Variants in SBK2 observed in about 807,000 individuals in gnomAD.
SBK2 encodes SH3 domain binding kinase family member 2.
Under a neutral mutation model 15.9 loss-of-function variants are expected in SBK2, and 18 were observed. The ratio of observed to expected loss-of-function variants is 1.13; its 90% CI spans 0.78 to 1.68. SBK2 has a LOEUF of 1.68. SBK2 is among the 40% of genes most tolerant of loss of function. The probability of loss-of-function intolerance (pLI) is 0.00; values close to 1 mark genes in which losing one functional copy is unlikely to be tolerated. For synonymous variants in SBK2, 284 were observed against 246.8 expected (o/e 1.15, Z -1.41); for missense variants, 581 against 510.9 (o/e 1.14, Z -1.32).
At chr19:55,531,936 G>A (rs575753342) in intron 2 of SBK2, among the ~76,000 whole-genome samples, 14 of 151,082 alleles carry the variant, frequency 9.3e-5, no homozygotes, top group African/African-American at 1.5e-4. Flanking sequence ...CCGAGATTGC[G>A]CCACTGCACT....
rs1988188120 is a variant in SBK2, at chr19:55,529,567, T to G, written c.*166A>C. On this transcript the variant is annotated 3_prime_UTR_variant, in exon 4 of 4. Coordinates refer to ENST00000413299, the MANE Select transcript of SBK2 (RefSeq NM_001370096.2). ...AGGGACATGCAGAGGTCTGAGGCCCTCATGGACCAAGGGAGGAATGCAGCC... is the reference window on the plus strand; with the variant it reads ...AGGGACATGCAGAGGTCTGAGGCCCGCATGGACCAAGGGAGGAATGCAGCC... Among the ~76,000 whole-genome samples, 1 of 150,320 alleles carries G rather than the reference T, an allele frequency of 6.7e-6. No homozygotes were observed.
At chr19:55,534,757 G>A (rs1410342090) in intron 2 of SBK2, among the ~76,000 whole-genome samples, 1 of 150,518 alleles carries the variant, frequency 6.6e-6, no homozygotes, top group Non-Finnish European at 1.5e-5. Context: ...AGGCACAGTG[G>A]CTCACACCTG....
chr19:55,535,154 G>A (rs1251668581), intron 2 of SBK2, among the ~76,000 whole-genome samples: 1 of 152,206 alleles, frequency 6.6e-6, no homozygotes. Flanking sequence ...GGCAGGGACT[G>A]GCTCTGGTTC....
chr19:55,532,601 C>CTTTTTT (rs10682612), intron 2 of SBK2, among the ~76,000 whole-genome samples: 124 of 128,378 alleles, frequency 9.7e-4, no homozygotes, highest in African/African-American at 3.6e-3. Flanking sequence ...TACACCCGCC[C>CTTTTTT]TTTTTTTTTT....
Position 55,531,263 on chromosome 19 carries a change from C to A in SBK2, c.336G>T (p.Ser112=). The change falls in exon 3 of 4, where the codon TCG becomes TCT. Residue 112 remains serine, a synonymous_variant. Coordinates refer to ENST00000413299, the MANE Select transcript of SBK2 (RefSeq NM_001370096.2). Reference sequence around the variant, plus strand: ...TCACGATGGCTGAGTGCGCGCCCAGCGAGAGCCCCACACAGAACTCGTACA... The same window carrying A: ...TCACGATGGCTGAGTGCGCGCCCAGAGAGAGCCCCACACAGAACTCGTACA... ...GFLYEFCVGL[S]LGAHSAIVTA... 2 of 1,613,608 alleles carry A rather than the reference C, an allele frequency of 1.2e-6. No individual in the cohort carries two copies. The highest frequency in any genetic ancestry group is 2.2e-5 in the South Asian group (2 of 91,070).
chr19:55,529,725 G>A lies in SBK2; in HGVS notation c.*8C>T, dbSNP rs927212050. On this transcript the variant is annotated 3_prime_UTR_variant, in exon 4 of 4. Coordinates refer to ENST00000413299, the MANE Select transcript of SBK2 (RefSeq NM_001370096.2). ...GCGGCTTCCCTTTCTGCATCCCCCG[G>A]GGCCTCCTCACTGCCCAGCCTCCTC... 1 of 1,598,546 alleles carries A rather than the reference G, an allele frequency of 6.3e-7. No homozygotes were observed. The highest frequency in any genetic ancestry group is 1.7e-5 in the Admixed American group (1 of 59,846).
Position 55,530,394 on chromosome 19 carries a change from C to T in SBK2, c.457-71G>A, listed in dbSNP as rs1988223874. The T allele has an allele frequency of 3.7e-6, 5 of 1,339,682 alleles. No individual in the cohort carries two copies. The South Asian group carries it at 6.7e-5, about 18-fold the overall frequency. 83.0% of individuals were successfully genotyped at this position (1,339,682 alleles called of 1,614,324 possible). A position where few individuals can be genotyped will look rare whatever the true frequency, so the allele number is the denominator to read the frequency against. On this transcript the variant is annotated intron_variant, in intron 3 of 3. Coordinates refer to ENST00000413299, the MANE Select transcript of SBK2 (RefSeq NM_001370096.2). The stretch of plus-strand genomic sequence containing the variant: ...GCAACCGAGACCCAGGAAGCAGGCC[C>T]AGGACGCCAAGGAGGCCGGTAAGGA...
In SBK2 at chr19:55,536,041, C is replaced by A; in HGVS notation, c.253+1G>T. 2.7e-6 allele frequency: 4 copies of A among 1,469,054 alleles called. No individual in the cohort carries two copies. Among genetic ancestry groups the A allele is most frequent in the Non-Finnish European group, 3.6e-6 (4 of 1,103,190 alleles). The allele number at this position is 1,469,054 out of a possible 1,614,324, so 91.0% of individuals were successfully genotyped here. A position where few individuals can be genotyped will look rare whatever the true frequency, so the allele number is the denominator to read the frequency against. ...CCACCTCTGGCCCCACAGCCTCGTA[C>A]CTTTCTGACGATGGGTGACCAGAAG... is the stretch of plus-strand genomic sequence containing the variant. On this transcript the variant is annotated splice_donor_variant, in intron 2 of 3. Transcript: ENST00000413299. LOFTEE classifies it high-confidence loss of function.
chr19:55,529,678 G>A lies in SBK2; in HGVS notation c.*55C>T. ...CACCGAGGAGACACCAAAAGCCGTT[G>A]GCCTTGGGGGCCTCGGGTGGGGCGG... On this transcript the variant is annotated 3_prime_UTR_variant, in exon 4 of 4. Coordinates refer to ENST00000413299, the MANE Select transcript of SBK2 (RefSeq NM_001370096.2). 16 of 1,565,938 alleles carry A rather than the reference G, an allele frequency of 1.0e-5. No homozygotes were observed. The highest frequency in any genetic ancestry group is 1.4e-5 in the Non-Finnish European group (16 of 1,164,550).
At position 55,530,033 on chromosome 19, in the gene SBK2, C is replaced by T. The variant is rs1448504970; in HGVS notation, c.747G>A (p.Leu249=). 6 of 1,497,544 alleles carry T rather than the reference C, an allele frequency of 4.0e-6. No individual in the cohort carries two copies. In the African/African-American group the frequency reaches 7.2e-5, roughly 18 times the overall value. The allele number at this position is 1,497,544 out of a possible 1,614,324, so 92.8% of individuals were successfully genotyped here. A position where few individuals can be genotyped will look rare whatever the true frequency, so the allele number is the denominator to read the frequency against. ...TGAGGAGGCAGAAGAGCAGGACGCC[C>T]AGCGCCCAGGCGTCCAGGGCGGGCT... ...PIQPALDAWA[L]GVLLFCLLTG... is the part of the protein sequence containing the mutation. The change falls in exon 4 of 4, where the codon CTG becomes CTA. Residue 249 remains leucine (L), a synonymous_variant. Transcript: ENST00000413299.
intron 2 of SBK2, among the ~76,000 whole-genome samples, chr19:55,531,654 G>A (rs992094969): frequency 7.9e-5 from 12 of 152,178 alleles, no homozygotes; most frequent in Non-Finnish European, 1.3e-4. Context: ...GACCAGCTCG[G>A]ACAACACAGT....
In SBK2 at chr19:55,536,278, G is replaced by T; in HGVS notation, c.17C>A (p.Ser6Tyr). ...CCCTGCCTCCGCCGGCCCTTCCTCAGACTGTTTGCCGGGCATCTCTGCGAG... is the reference window on the plus strand; with the variant it reads ...CCCTGCCTCCGCCGGCCCTTCCTCATACTGTTTGCCGGGCATCTCTGCGAG... MPGKQ[S>Y]EEGPAEAGAS... Residue 6 changes from serine to tyrosine, a missense_variant, in exon 2 of 4, where the codon TCT becomes TAT. By Grantham distance (144) the Ser-to-Tyr change is moderately radical. Transcript: ENST00000413299. 1 of 1,579,068 alleles carries T rather than the reference G, an allele frequency of 6.3e-7. No homozygotes were observed. The highest frequency in any genetic ancestry group is 8.6e-7 in the Non-Finnish European group (1 of 1,165,004).
chr19:55,533,087 T>G (rs1318430314), intron 2 of SBK2, among the ~76,000 whole-genome samples: 1 of 152,122 alleles, frequency 6.6e-6, no homozygotes, highest in Non-Finnish European at 1.5e-5. Context: ...TCCCAGCACT[T>G]TGGGAAGCCA....
intron 1 of SBK2, 75 bp downstream of exon 1, chr19:55,536,979 C>T (rs74406261): frequency 0.086 from 13,086 of 152,732 alleles, 667 homozygotes; most frequent in Non-Finnish European, 0.1. Flanking sequence ...GGTACAGTCA[C>T]CCTCAGGTGC....
In SBK2 at chr19:55,531,286, A is replaced by G. The variant is rs1240168376; in HGVS notation, c.313T>C (p.Tyr105His). Residue 105 changes from tyrosine (Y) to histidine (H), a missense_variant, in exon 3 of 4, where the codon TAC becomes CAC. By Grantham distance (83) the Tyr-to-His change is moderately conservative. Transcript: ENST00000413299. Reference sequence around the variant, plus strand: ...AGCGAGAGCCCCACACAGAACTCGTACAGGAAGCCACGGAGGGACGTGCGG... The same window carrying G: ...AGCGAGAGCCCCACACAGAACTCGTGCAGGAAGCCACGGAGGGACGTGCGG... ...KPRTSLRGFL[Y>H]EFCVGLSLGA... is the part of the protein sequence containing the mutation. 4 of 1,613,468 alleles carry G rather than the reference A, an allele frequency of 2.5e-6. No individual in the cohort carries two copies. The highest frequency in any genetic ancestry group is 3.3e-5 in the Admixed American group (2 of 59,932).
At position 55,529,773 on chromosome 19, in the gene SBK2, G is replaced by T. The variant is rs200525081; in HGVS notation, c.1007C>A (p.Ala336Glu). 3 of 1,603,184 alleles carry T rather than the reference G, an allele frequency of 1.9e-6. No homozygotes were observed. Among genetic ancestry groups the T allele is most frequent in the South Asian group, 2.2e-5 (2 of 91,058 alleles). ...CTCTTCCACCGCTCCCACTGCCTCC[G>T]CCTCGCCCTCCCGCTGCCTCCAGGG... ...GRPWRQREGE[A>E]EAVGAVEEEA... Residue 336 changes from alanine to glutamate, a missense_variant, in exon 4 of 4, where the codon GCG becomes GAG. Transcript: ENST00000413299.
rs200266213 is a variant in SBK2, at chr19:55,536,220, G to A, written c.75C>T (p.Gly25=). ...GCTGGAGCTCCTCTAATGTCAGGCCGCCCAGACCCTCCTCCTCGCTGTCCT... is the reference window on the plus strand; with the variant it reads ...GCTGGAGCTCCTCTAATGTCAGGCCACCCAGACCCTCCTCCTCGCTGTCCT... The part of the protein sequence containing the change: ...ASEDSEEEGL[G]GLTLEELQQG... The change falls in exon 2 of 4, where the codon GGC becomes GGT. Residue 25 remains glycine, a synonymous_variant. Coordinates refer to ENST00000413299, the MANE Select transcript of SBK2 (RefSeq NM_001370096.2). The A allele has an allele frequency of 1.4e-4, 222 of 1,605,654 alleles. No individual in the cohort carries two copies. In the African/African-American group the frequency reaches 1.6e-3, roughly 12 times the overall value.
chr19:55,529,372 G>A lies in SBK2; in HGVS notation c.*361C>T, dbSNP rs954927390. 2.0e-5 allele frequency among the ~76,000 whole-genome samples: 3 copies of A among 152,172 alleles called. No homozygotes were observed. Among genetic ancestry groups the A allele is most frequent in the Non-Finnish European group, 2.9e-5 (2 of 68,032 alleles). On this transcript the variant is annotated 3_prime_UTR_variant, in exon 4 of 4. Coordinates refer to ENST00000413299, the MANE Select transcript of SBK2 (RefSeq NM_001370096.2). The stretch of plus-strand genomic sequence containing the variant: ...GATAGCACCACTGCACTCCAGCCTG[G>A]GAGACAGAGCGAGACCCTGTCTCAA...
chr19:55,532,607 T>TCC (rs1988299899), intron 2 of SBK2, among the ~76,000 whole-genome samples: 1 of 149,240 alleles, frequency 6.7e-6, no homozygotes, highest in Non-Finnish European at 1.5e-5. Context: ...CGCCCTTTTT[T>TCC]TTTTTTTTTT....
Sources: allele counts gnomAD v4.1 joint callset (sites outside exome capture counted in the v4.1 genomes callset), GRCh38; gene constraint gnomAD v4.1.1; transcripts MANE v1.5; gene names NCBI Gene and HGNC (gene_info 2026-07-23, HGNC 2026-07-21).